The following RYR2 variants were observed in gnomAD, a reference collection of about 807,000 sequenced individuals.
RYR2 encodes the protein cardiac muscle ryanodine receptor-calcium release channel.
A neutral mutation model predicts 601.1 loss-of-function variants in RYR2; 227 were observed. The observed-to-expected ratio is 0.38, with a 90% CI of 0.34 to 0.42. The LOEUF (loss-of-function observed/expected upper bound fraction) is 0.42, where lower values mean the gene tolerates loss of function less well. Among genes scored for constraint, RYR2 ranks in the 10% least tolerant of loss-of-function variants. The probability of loss-of-function intolerance (pLI) is 1.00; values close to 1 mark genes in which losing one functional copy is unlikely to be tolerated. For missense variants in RYR2, 4,646 were observed against 6,156.5 expected (o/e 0.75, Z 8.21); for synonymous variants, 2,223 against 2,175.1 (o/e 1.02, Z -0.61).
At chr1:237,697,567 ATTATG>A (rs1257089159) in intron 63 of RYR2, among the ~76,000 whole-genome samples, 1 of 146,346 alleles carries the variant, frequency 6.8e-6, no homozygotes, top group African/African-American at 2.5e-5. Context: ...GTGGCCTGCT[ATTATG>A]TTATATGCTG....
intron 1 of RYR2, among the ~76,000 whole-genome samples, chr1:237,084,413 TTGAA>T (rs1270082923): frequency 1.3e-5 from 2 of 152,168 alleles, no homozygotes; most frequent in Non-Finnish European, 2.9e-5. Flanking sequence ...ATTATGGAAA[TTGAA>T]TGGCACTTGT....
chr1:237,252,380 G>A (rs78430722), intron 1 of RYR2, among the ~76,000 whole-genome samples: 5,375 of 152,122 alleles, frequency 0.035, 320 homozygotes, highest in African/African-American at 0.12. Context: ...GCAGTTCTTG[G>A]ATTAGTGTCC....
At chr1:237,188,359 T>C (rs931463595) in intron 1 of RYR2, among the ~76,000 whole-genome samples, 1 of 151,864 alleles carries the variant, frequency 6.6e-6, no homozygotes, top group African/African-American at 2.4e-5. Flanking sequence ...GAAGGCATTA[T>C]GTCTTGCAGT....
intron 49 of RYR2, among the ~76,000 whole-genome samples, chr1:237,649,564 G>A (rs969156710): frequency 6.6e-6 from 1 of 152,084 alleles, no homozygotes; most frequent in African/African-American, 2.4e-5. Flanking sequence ...ACTCACATCT[G>A]TGATATTATT....
Position 237,773,584 on chromosome 1 carries a change from G to A in RYR2, c.11711G>A (p.Arg3904Gln), listed in dbSNP as rs1374006844. ...GKDVIDEQGQRNFSKAIQVAK... is the reference protein window; with the variant it reads ...GKDVIDEQGQQNFSKAIQVAK... ...GATGTTATTGATGAACAAGGACAAC[G>A]GAATTTCTCCAAAGCTATCCAAGTG... The change falls in exon 87 of 105, where the codon CGG (arginine) becomes CAG (glutamine). Residue 3904 changes from arginine (R) to glutamine (Q), a missense_variant. Arg to Gln is a conservative substitution (Grantham distance 43). This residue lies in a region of RYR2 where 90 missense variants were observed against 213.3 expected (regional missense o/e 0.42). Transcript: ENST00000366574. The A allele has an allele frequency of 5.6e-6, 9 of 1,606,346 alleles. No homozygotes were observed. Among genetic ancestry groups the A allele is most frequent in the South Asian group, 1.1e-5 (1 of 90,906 alleles).
intron 94 of RYR2, among the ~76,000 whole-genome samples, chr1:237,793,391 T>A (rs1317538364): frequency 6.6e-6 from 1 of 152,228 alleles, no homozygotes; most frequent in Non-Finnish European, 1.5e-5. Flanking sequence ...TTTTTGCTGA[T>A]GTCGAAATTA....
intron 2 of RYR2, among the ~76,000 whole-genome samples, chr1:237,300,524 G>A (rs574098578): frequency 3.6e-4 from 55 of 152,178 alleles, no homozygotes; most frequent in African/African-American, 1.1e-3. Context: ...CACTACTCTC[G>A]TCATTCAAAT....
At chr1:237,524,809 C>T (rs983682201) in intron 24 of RYR2, among the ~76,000 whole-genome samples, 4 of 152,064 alleles carry the variant, frequency 2.6e-5, no homozygotes, top group Admixed American at 1.3e-4. Flanking sequence ...CCCTTTTGCT[C>T]AGAAGGTCAG....
chr1:237,440,553 A>G (rs2927927), intron 12 of RYR2, among the ~76,000 whole-genome samples: 16,582 of 152,186 alleles, frequency 0.11, 2,333 homozygotes, highest in African/African-American at 0.32. Flanking sequence ...AGAGATTTGA[A>G]AAAAACATTT....
chr1:237,622,189 T>G (rs1679145394), intron 38 of RYR2, among the ~76,000 whole-genome samples: 1 of 152,124 alleles, frequency 6.6e-6, no homozygotes, highest in Non-Finnish European at 1.5e-5. Flanking sequence ...TGGGAAAGCA[T>G]CTTTCTCTTC....
chr1:237,796,841 A>G (rs1004156645), intron 96 of RYR2, among the ~76,000 whole-genome samples: 42 of 151,760 alleles, frequency 2.8e-4, no homozygotes, highest in African/African-American at 9.7e-4. Context: ...CTGGAGTGCA[A>G]TGGCATGATT....
rs573671652 is a variant in RYR2 at position 237,179,856 on chromosome 1, C to T, written c.49-90641C>T. On this transcript the variant is annotated intron_variant, in intron 1 of 104. Coordinates refer to ENST00000366574, the MANE Select transcript of RYR2 (RefSeq NM_001035.3). ...GAGTCTGAAGAACCTTGGCCATAGCCGGCAACATCTATTGTCTTTGCAGAG... is the reference window on the plus strand; with the variant it reads ...GAGTCTGAAGAACCTTGGCCATAGCTGGCAACATCTATTGTCTTTGCAGAG... Among the ~76,000 whole-genome samples, 5 of 152,170 alleles carry T rather than the reference C, an allele frequency of 3.3e-5. No homozygotes were observed. In the East Asian group the frequency reaches 5.8e-4, roughly 18 times the overall value.
intron 51 of RYR2, among the ~76,000 whole-genome samples, chr1:237,651,894 G>A (rs940904116): frequency 2.6e-5 from 4 of 152,100 alleles, no homozygotes; most frequent in Non-Finnish European, 5.9e-5. Context: ...AAAATTAGCC[G>A]GACGTGGTGG....
chr1:237,673,316 A>T (rs1450632053), intron 58 of RYR2, among the ~76,000 whole-genome samples: 3 of 152,024 alleles, frequency 2.0e-5, no homozygotes, highest in East Asian at 1.9e-4. Context: ...TAACAGTTTA[A>T]TTTTTTTATA....
At chr1:237,494,922 C>T (rs1663875787) in intron 19 of RYR2, among the ~76,000 whole-genome samples, 1 of 152,046 alleles carries the variant, frequency 6.6e-6, no homozygotes. Flanking sequence ...TCCTGAGTAG[C>T]TGGGATTACA....
intron 2 of RYR2, among the ~76,000 whole-genome samples, chr1:237,326,865 C>T (rs764842302): frequency 4.6e-5 from 7 of 152,152 alleles, no homozygotes; most frequent in Non-Finnish European, 7.3e-5. Flanking sequence ...TTTATTGAAG[C>T]TGATCTTTAA....
chr1:237,443,936 C>G (rs1708120928), intron 13 of RYR2, among the ~76,000 whole-genome samples: 1 of 152,086 alleles, frequency 6.6e-6, no homozygotes, highest in Admixed American at 6.6e-5. Context: ...ATTAAATTAT[C>G]TTTTCAATCC....
At chr1:237,480,378 C>CAAAA (rs61271895) in intron 17 of RYR2, among the ~76,000 whole-genome samples, 18 of 57,670 alleles carry the variant, frequency 3.1e-4, no homozygotes, top group African/African-American at 4.5e-4. Context: ...AAGATCATCT[C>CAAAA]AAAAAAAAAA....
intron 1 of RYR2, among the ~76,000 whole-genome samples, chr1:237,212,511 G>A (rs1006707949): frequency 2.6e-5 from 4 of 151,978 alleles, no homozygotes; most frequent in East Asian, 1.9e-4. Context: ...AGGCTGCTGC[G>A]GGAGGATCAA....
Sources: gnomAD v4.1 joint callset for allele counts (sites outside exome capture counted in the v4.1 genomes callset) on GRCh38, gnomAD v4.1.1 for gene constraint, gnomAD v4.1.1 regional missense constraint, MANE v1.5 for transcripts, NCBI Gene and HGNC (gene_info 2026-07-23, HGNC 2026-07-21) for gene names.